The following ADGRB3 variants were observed in gnomAD, a reference collection of about 807,000 sequenced individuals.
ADGRB3 encodes adhesion G protein-coupled receptor B3, also known as brain-specific angiogenesis inhibitor 3.
ADGRB3 carries 37 observed loss-of-function variants against 193.4 expected under a neutral mutation model. The observed-to-expected ratio is 0.19, with a 90% CI of 0.15 to 0.25. ADGRB3 has a LOEUF of 0.25. Ranked by LOEUF, ADGRB3 falls within the 10% of genes least tolerant of loss-of-function variation. The pLI is 1.00. For synonymous variants in ADGRB3, 690 were observed against 644.2 expected (o/e 1.07, Z -1.08); for missense variants, 1,637 against 1,852.9 (o/e 0.88, Z 2.14).
chr6:68,654,081 T>C (rs1768436258), intron 3 of ADGRB3, among the ~76,000 whole-genome samples: 3 of 152,108 alleles, frequency 2.0e-5, no homozygotes. Context: ...CATGAGGAAC[T>C]TGTAATCACT....
intron 17 of ADGRB3, among the ~76,000 whole-genome samples, chr6:69,217,436 G>A (rs1030715235): frequency 3.9e-5 from 6 of 152,162 alleles, no homozygotes; most frequent in African/African-American, 1.2e-4. Flanking sequence ...AATAAAACTG[G>A]CAAAATCTGG....
chr6:68,726,722 G>C (rs1269532551), intron 3 of ADGRB3, among the ~76,000 whole-genome samples: 2 of 151,598 alleles, frequency 1.3e-5, no homozygotes, highest in African/African-American at 4.8e-5. Context: ...GTAAGATTCT[G>C]GCCCTACATG....
At chr6:68,787,773 C>T (rs1351680366) in intron 3 of ADGRB3, among the ~76,000 whole-genome samples, 1 of 152,124 alleles carries the variant, frequency 6.6e-6, no homozygotes, top group Non-Finnish European at 1.5e-5. Context: ...GGCTGTGAAT[C>T]CATCTGGTCC....
At chr6:69,209,723 T>C (rs183300191) in intron 17 of ADGRB3, among the ~76,000 whole-genome samples, 4 of 152,282 alleles carry the variant, frequency 2.6e-5, no homozygotes, top group Admixed American at 2.6e-4. Flanking sequence ...AATGGAGAAA[T>C]AGGCATTTGC....
chr6:69,072,319 A>C (rs1772099694), intron 16 of ADGRB3, among the ~76,000 whole-genome samples: 1 of 152,182 alleles, frequency 6.6e-6, no homozygotes, highest in African/African-American at 2.4e-5. Context: ...TTAAATTTTC[A>C]TAACCACAAA....
At chr6:68,751,315 C>T (rs1158688215) in intron 3 of ADGRB3, among the ~76,000 whole-genome samples, 3 of 152,066 alleles carry the variant, frequency 2.0e-5, no homozygotes, top group Admixed American at 2.0e-4. Context: ...TATTCTTAAC[C>T]AGGTCACTCG....
chr6:68,987,625 C>A (rs1432570074), intron 10 of ADGRB3, among the ~76,000 whole-genome samples: 2 of 152,080 alleles, frequency 1.3e-5, no homozygotes, highest in East Asian at 3.9e-4. Flanking sequence ...TAGTTAAGCA[C>A]ATGAACTAAG....
At chr6:69,082,626 T>A (rs1215155193) in intron 17 of ADGRB3, among the ~76,000 whole-genome samples, 1 of 152,166 alleles carries the variant, frequency 6.6e-6, no homozygotes, top group East Asian at 1.9e-4. Context: ...TAATTACTTT[T>A]GATCTGGTAA....
intron 3 of ADGRB3, among the ~76,000 whole-genome samples, chr6:68,677,513 C>CTTTTTTTTTTTTTTTT (rs1309574808): frequency 7.8e-6 from 1 of 128,192 alleles, no homozygotes. Context: ...TCTTTTTTTT[C>CTTTTTTTTTTTTTTTT]TTTTTTTCTT....
chr6:68,953,322 C>T (rs1056547359), intron 6 of ADGRB3, among the ~76,000 whole-genome samples: 1 of 152,174 alleles, frequency 6.6e-6, no homozygotes, highest in Admixed American at 6.5e-5. Flanking sequence ...CTTAGCAGCA[C>T]CTAATTCACC....
chr6:69,321,092 C>CT (rs1234976537), intron 20 of ADGRB3, among the ~76,000 whole-genome samples: 1 of 151,606 alleles, frequency 6.6e-6, no homozygotes, highest in Non-Finnish European at 1.5e-5. Flanking sequence ...TCAATTTGTT[C>CT]TTTATATACT....
chr6:68,940,498 A>T (rs1203420494), intron 5 of ADGRB3, among the ~76,000 whole-genome samples: 3 of 139,476 alleles, frequency 2.2e-5, no homozygotes, highest in African/African-American at 8.2e-5. Context: ...CTCTTTATGT[A>T]CTTTAATCCT....
chr6:68,992,770 T>G (rs1769272317), intron 10 of ADGRB3, among the ~76,000 whole-genome samples: 1 of 152,204 alleles, frequency 6.6e-6, no homozygotes, highest in Non-Finnish European at 1.5e-5. Flanking sequence ...ATTTATACTT[T>G]TTTGATTAGA....
chr6:69,318,353 C>A (rs1216778123), intron 20 of ADGRB3, among the ~76,000 whole-genome samples: 2 of 151,306 alleles, frequency 1.3e-5, no homozygotes, highest in African/African-American at 2.4e-5. Context: ...GATTTCTCTT[C>A]TTTAATCTGT....
intron 11 of ADGRB3, among the ~76,000 whole-genome samples, chr6:68,997,433 A>T (rs1294280180): frequency 1.4e-5 from 2 of 146,014 alleles, no homozygotes; most frequent in East Asian, 4.1e-4. Flanking sequence ...CCTTGAGGTC[A>T]GGAGTTTGAG....
chr6:68,973,448 A>G (rs1208843317), intron 8 of ADGRB3, among the ~76,000 whole-genome samples: 1 of 152,190 alleles, frequency 6.6e-6, no homozygotes, highest in Non-Finnish European at 1.5e-5. Flanking sequence ...GATAACTATA[A>G]GGTAATTTAA....
At chr6:69,374,698 A>G (rs992322612) in intron 30 of ADGRB3, among the ~76,000 whole-genome samples, 1 of 152,032 alleles carries the variant, frequency 6.6e-6, no homozygotes, top group African/African-American at 2.4e-5. Context: ...TACTGTAGTG[A>G]TATTCTTGTG....
chr6:68,923,809 T>A (rs547878804), intron 3 of ADGRB3, among the ~76,000 whole-genome samples: 4 of 152,152 alleles, frequency 2.6e-5, no homozygotes, highest in African/African-American at 7.2e-5. Context: ...AACCAAGCCA[T>A]GTTCTAGTTT....
At chr6:68,939,774 T>G (rs926153568) in intron 5 of ADGRB3, among the ~76,000 whole-genome samples, 1 of 152,178 alleles carries the variant, frequency 6.6e-6, no homozygotes, top group Non-Finnish European at 1.5e-5. Flanking sequence ...TGTAATGTTT[T>G]AAACAATAGA....
Sources: allele counts gnomAD v4.1 joint callset (sites outside exome capture counted in the v4.1 genomes callset), GRCh38; gene constraint gnomAD v4.1.1; transcripts MANE v1.5; gene names NCBI Gene and HGNC (gene_info 2026-07-23, HGNC 2026-07-21).